CSMD3: variants seen among roughly 807,000 people sequenced by gnomAD.
The protein encoded by CSMD3 is CUB and sushi domain-containing protein 3.
CSMD3 carries 177 observed loss-of-function variants against 435.2 expected under a neutral mutation model. The ratio of observed to expected loss-of-function variants is 0.41; its 90% confidence interval spans 0.36 to 0.46. CSMD3 has a LOEUF of 0.46. Among genes scored for constraint, CSMD3 ranks in the 20% least tolerant of loss-of-function variants. CSMD3 has a pLI of 0.34. For missense variants in CSMD3, 4,265 were observed against 4,504.6 expected (o/e 0.95, Z 1.52); for synonymous variants, 1,656 against 1,520.5 (o/e 1.09, Z -2.07).
intron 11 of CSMD3, among the ~76,000 whole-genome samples, chr8:112,840,931 G>C (rs2080160945): frequency 6.6e-6 from 1 of 151,586 alleles, no homozygotes; most frequent in Admixed American, 6.6e-5. Flanking sequence ...TATAGATACA[G>C]ACTAACTTTT....
At chr8:112,407,583 G>T (rs1831970837) in intron 34 of CSMD3, among the ~76,000 whole-genome samples, 2 of 152,028 alleles carry the variant, frequency 1.3e-5, no homozygotes, top group South Asian at 4.2e-4. Context: ...TTTCCAGGGG[G>T]AAGTACTACT....
At chr8:112,837,765 G>A (rs1187248132) in intron 11 of CSMD3, among the ~76,000 whole-genome samples, 1 of 151,388 alleles carries the variant, frequency 6.6e-6, no homozygotes, top group East Asian at 1.9e-4. Flanking sequence ...ACCTTTTTTG[G>A]GAGCAGCTTT....
chr8:112,261,565 G>A (rs1270003170), intron 61 of CSMD3, among the ~76,000 whole-genome samples: 1 of 151,952 alleles, frequency 6.6e-6, no homozygotes, highest in Non-Finnish European at 1.5e-5. Context: ...ATGTGTGTGT[G>A]TGTAAATATA....
At chr8:113,190,347 T>C (rs1215366896) in intron 3 of CSMD3, among the ~76,000 whole-genome samples, 2 of 151,930 alleles carry the variant, frequency 1.3e-5, no homozygotes, top group East Asian at 3.9e-4. Context: ...TAATAAATGT[T>C]AAAGAGAAAT....
intron 10 of CSMD3, among the ~76,000 whole-genome samples, chr8:112,913,700 T>TTCTC (rs140523247): frequency 0.033 from 4,923 of 151,244 alleles, 134 homozygotes; most frequent in Middle Eastern, 0.051. Flanking sequence ...CTCTCCTTCT[T>TTCTC]TCTCTCTCCC....
intron 35 of CSMD3, among the ~76,000 whole-genome samples, chr8:112,393,379 T>C (rs1003759991): frequency 1.3e-5 from 2 of 152,174 alleles, no homozygotes; most frequent in Non-Finnish European, 2.9e-5. Context: ...CTATGGACTT[T>C]CAGTGTGAAT....
At chr8:113,277,065 A>G (rs1346553818) in intron 3 of CSMD3, among the ~76,000 whole-genome samples, 2 of 152,054 alleles carry the variant, frequency 1.3e-5, no homozygotes, top group East Asian at 3.9e-4. Flanking sequence ...ACTTCCTGAA[A>G]GCTTAAACTA....
intron 3 of CSMD3, among the ~76,000 whole-genome samples, chr8:113,241,919 G>T (rs1221533719): frequency 6.6e-6 from 1 of 151,060 alleles, no homozygotes; most frequent in African/African-American, 2.4e-5. Context: ...TATTTGGTGT[G>T]CAAGAAAACT....
intron 61 of CSMD3, among the ~76,000 whole-genome samples, chr8:112,260,958 G>A (rs1409076595): frequency 1.3e-5 from 2 of 152,064 alleles, no homozygotes; most frequent in Non-Finnish European, 2.9e-5. Context: ...AATTTATAAA[G>A]TTATTTTTAA....
chr8:113,138,053 CT>C (rs1347241998), intron 4 of CSMD3, among the ~76,000 whole-genome samples: 4 of 151,502 alleles, frequency 2.6e-5, no homozygotes, highest in African/African-American at 7.3e-5. Context: ...TGCTCCTGCT[CT>C]TTTTTTCCCT....
intron 31 of CSMD3, among the ~76,000 whole-genome samples, chr8:112,489,719 A>G (rs1304922912): frequency 6.6e-6 from 1 of 152,208 alleles, no homozygotes; most frequent in Non-Finnish European, 1.5e-5. Context: ...AGTATTAAAG[A>G]TATCTAGCTC....
intron 13 of CSMD3, among the ~76,000 whole-genome samples, chr8:112,760,744 A>T (rs2077817888): frequency 6.6e-6 from 1 of 152,134 alleles, no homozygotes. Context: ...TCCCACCATA[A>T]TCTCCAGCAC....
intron 10 of CSMD3, among the ~76,000 whole-genome samples, chr8:112,903,151 C>CAAAAAA (rs763330055): frequency 5.6e-3 from 300 of 53,586 alleles, no homozygotes; most frequent in African/African-American, 0.015. Context: ...GCAGTCTTGG[C>CAAAAAA]AAAAAAAAAA....
chr8:113,311,364 G>A (rs1346491975), intron 2 of CSMD3: 2 of 152,004 alleles, frequency 1.3e-5, no homozygotes, highest in Non-Finnish European at 2.9e-5. Context: ...ATGAAATTCT[G>A]ATTATGAATC....
intron 27 of CSMD3, among the ~76,000 whole-genome samples, chr8:112,531,176 C>T (rs1825492973): frequency 6.6e-6 from 1 of 152,066 alleles, no homozygotes; most frequent in Non-Finnish European, 1.5e-5. Flanking sequence ...TACAGTGCCA[C>T]CACAGCACAA....
intron 57 of CSMD3, among the ~76,000 whole-genome samples, chr8:112,288,367 A>C (rs1488654946): frequency 1.3e-5 from 2 of 152,072 alleles, no homozygotes; most frequent in Non-Finnish European, 2.9e-5. Context: ...AATTCTCATA[A>C]AATCAATTTT....
chr8:112,967,290 A>C (rs374082743), intron 7 of CSMD3, among the ~76,000 whole-genome samples: 4 of 152,040 alleles, frequency 2.6e-5, no homozygotes, highest in African/African-American at 9.6e-5. Context: ...TAAAAATTAC[A>C]TTTGATAATA....
chr8:112,740,127 A>T (rs1323231720), intron 13 of CSMD3, among the ~76,000 whole-genome samples: 1 of 151,798 alleles, frequency 6.6e-6, no homozygotes, highest in Non-Finnish European at 1.5e-5. Context: ...ATTTTAAAAA[A>T]TTCTAGTCTC....
chr8:112,592,844 T>C (rs1018430781), intron 22 of CSMD3, among the ~76,000 whole-genome samples: 3 of 152,150 alleles, frequency 2.0e-5, no homozygotes, highest in Admixed American at 6.5e-5. Context: ...CCTCATGTGA[T>C]ATGTACTCCA....
Sources: gnomAD v4.1 joint callset for allele counts (sites outside exome capture counted in the v4.1 genomes callset) on GRCh38, gnomAD v4.1.1 for gene constraint, MANE v1.5 for transcripts, NCBI Gene and HGNC (gene_info 2026-07-23, HGNC 2026-07-21) for gene names.